Variants in JAKMIP2 observed in about 807,000 individuals in gnomAD.
The protein encoded by JAKMIP2 is janus kinase and microtubule interacting protein 2.
In JAKMIP2, 25 loss-of-function variants were observed where a neutral mutation model predicts 115.0. That is an observed-to-expected ratio of 0.22 (90% CI 0.16 to 0.30). The LOEUF (loss-of-function observed/expected upper bound fraction) is 0.30. JAKMIP2 is among the 10% of genes least tolerant of loss of function. The probability of loss-of-function intolerance (pLI) is 1.00; values close to 1 mark genes in which losing one functional copy is unlikely to be tolerated. For synonymous variants in JAKMIP2, 334 were observed against 343.6 expected, an observed-to-expected ratio of 0.97 and a Z score of 0.31; for missense variants, 642 against 957.6, an observed-to-expected ratio of 0.67 and a Z score of 4.35.
intron 17 of JAKMIP2, 57 bp from the exon 18 acceptor site, chr5:147,620,800 A>G (rs1756813408): frequency 1.7e-6 from 2 of 1,186,904 alleles, no homozygotes; most frequent in Admixed American, 3.5e-5. Context: ...AGTGACGTAC[A>G]AATGGTATTG....
chr5:147,677,708 A>G (rs1760044354), intron 1 of JAKMIP2, among the ~76,000 whole-genome samples: 1 of 152,182 alleles, frequency 6.6e-6, no homozygotes, highest in Admixed American at 6.5e-5. Flanking sequence ...TTCTTTTTTA[A>G]TTGACAAAAA....
At chr5:147,705,186 A>G (rs1752515603) in intron 1 of JAKMIP2, among the ~76,000 whole-genome samples, 1 of 152,170 alleles carries the variant, frequency 6.6e-6, no homozygotes, top group African/African-American at 2.4e-5. Flanking sequence ...GATCAAGCTG[A>G]GTTTGAACCC....
At chr5:147,744,051 C>CTTCT (rs1754262072) in intron 1 of JAKMIP2, among the ~76,000 whole-genome samples, 1 of 146,820 alleles carries the variant, frequency 6.8e-6, no homozygotes, top group Non-Finnish European at 1.5e-5. Context: ...TCCTTCCTTC[C>CTTCT]TTCCTTCCTC....
chr5:147,614,037 A>T (rs58587592), intron 19 of JAKMIP2, among the ~76,000 whole-genome samples: 4 of 152,192 alleles, frequency 2.6e-5, no homozygotes, highest in African/African-American at 9.7e-5. Flanking sequence ...TTGAGTGTTC[A>T]CGTAATTCCT....
intron 1 of JAKMIP2, among the ~76,000 whole-genome samples, chr5:147,710,852 T>A (rs1051024734): frequency 3.9e-5 from 6 of 152,228 alleles, no homozygotes; most frequent in Non-Finnish European, 8.8e-5. Context: ...TTATTTTATA[T>A]CTTGATGCAG....
chr5:147,628,913 A>C, intron 15 of JAKMIP2, 97 bp from the exon 16 acceptor site: 1 of 767,866 alleles, frequency 1.3e-6, no homozygotes, highest in Non-Finnish European at 2.2e-6. Flanking sequence ...ATTCTGTATA[A>C]GCCTGTATAG....
Position 147,639,764 on chromosome 5 carries a change from G to C in JAKMIP2, c.1402-4C>G, listed in dbSNP as rs1026776640. On this transcript the variant is annotated splice_region_variant and splice_polypyrimidine_tract_variant and intron_variant, in intron 9 of 21. Coordinates refer to ENST00000616793, the MANE Select transcript of JAKMIP2 (RefSeq NM_001270941.2). ...CAGATTCTTCAGCTGCTAAACTCTT[G>C]AGGTTAAGAAAAAAAGCCCCAAAAC... 1.9e-6 allele frequency: 3 copies of C among 1,602,682 alleles called. No homozygotes were observed. The African/African-American group carries it at 4.2e-5, about 23-fold the overall frequency.
intron 3 of JAKMIP2, among the ~76,000 whole-genome samples, chr5:147,651,610 T>A (rs915505271): frequency 5.9e-5 from 9 of 152,124 alleles, no homozygotes; most frequent in African/African-American, 1.9e-4. Context: ...TTCTTTGCTG[T>A]GTGCTCTTAG....
chr5:147,681,672 C>T (rs1760287717), intron 1 of JAKMIP2, among the ~76,000 whole-genome samples: 1 of 152,028 alleles, frequency 6.6e-6, no homozygotes, highest in Non-Finnish European at 1.5e-5. Context: ...CAATTTAATA[C>T]AGTGTGATAA....
At chr5:147,605,005 G>A (rs1755922026) in intron 20 of JAKMIP2, among the ~76,000 whole-genome samples, 2 of 151,480 alleles carry the variant, frequency 1.3e-5, no homozygotes, top group Admixed American at 6.6e-5. Flanking sequence ...GCCCTGGTGT[G>A]TGATGTTCCC....
intron 1 of JAKMIP2, among the ~76,000 whole-genome samples, chr5:147,689,176 G>A (rs1274753501): frequency 6.6e-6 from 1 of 152,154 alleles, no homozygotes; most frequent in East Asian, 1.9e-4. Context: ...GAACTTCAGG[G>A]AGCCGGGGAG....
At chr5:147,707,724 G>A (rs1752633399) in intron 1 of JAKMIP2, among the ~76,000 whole-genome samples, 1 of 152,168 alleles carries the variant, frequency 6.6e-6, no homozygotes, top group African/African-American at 2.4e-5. Flanking sequence ...TGGATGTAAT[G>A]CACAACAGTG....
At position 147,629,566 on chromosome 5, in the gene JAKMIP2, C is replaced by A; in HGVS notation, c.1929+127G>T. The A allele has an allele frequency of 8.0e-6, 5 of 626,324 alleles. No homozygotes were observed. The South Asian group carries it at 1.1e-4, about 14-fold the overall frequency. 38.8% of individuals were successfully genotyped at this position (626,324 alleles called of 1,614,324 possible). ...TGTTTGATAAATTGTATATTCTTCC[C>A]AAGGAGCAACATCCTTAAGTGAAAT... On this transcript the variant is annotated intron_variant, in intron 15 of 21. Transcript: ENST00000616793.
chr5:147,650,924 T>C (rs1758366863), intron 3 of JAKMIP2, among the ~76,000 whole-genome samples: 1 of 152,204 alleles, frequency 6.6e-6, no homozygotes, highest in Non-Finnish European at 1.5e-5. Context: ...CATTTTTTGA[T>C]GTCACTTCTT....
Position 147,635,927 on chromosome 5 carries a change from A to ATG in JAKMIP2, c.1677+294_1677+295insCA, listed in dbSNP as rs1244554417. On this transcript the variant is annotated intron_variant, in intron 12 of 21. Transcript: ENST00000616793. The stretch of plus-strand genomic sequence containing the variant: ...TGCACGTGTGTGTGTGCGTGTATGT[A>ATG]TATATATATGTACAGTATATATACA... 6.3e-3 allele frequency among the ~76,000 whole-genome samples: 962 copies of ATG among 152,210 alleles called. 48 individuals are homozygous for ATG. The East Asian group carries it at 0.13, about 21-fold the overall frequency.
chr5:147,585,917 T>C lies in JAKMIP2; in HGVS notation c.*5790A>G, dbSNP rs1204928895. ...TTTAGCTAATAAAGATATGGGACTTTTGGCTAATTTTAATACTGTAGATTG... is the reference window on the plus strand; with the variant it reads ...TTTAGCTAATAAAGATATGGGACTTCTGGCTAATTTTAATACTGTAGATTG... On this transcript the variant is annotated 3_prime_UTR_variant, in exon 22 of 22. Transcript: ENST00000616793. 1 of 152,060 alleles carries C rather than the reference T, an allele frequency of 6.6e-6. No homozygotes were observed. Among genetic ancestry groups the C allele is most frequent in the African/African-American group, 2.4e-5 (1 of 41,414 alleles). The allele number at this position is 152,060 out of a possible 1,614,324, so 9.4% of individuals were successfully genotyped here.
intron 1 of JAKMIP2, among the ~76,000 whole-genome samples, chr5:147,726,882 A>G (rs932157569): frequency 6.6e-6 from 1 of 152,220 alleles, no homozygotes; most frequent in African/African-American, 2.4e-5. Flanking sequence ...GTTAGCCCCA[A>G]AAATTACCTC....
chr5:147,599,462 T>C (rs997765371), intron 21 of JAKMIP2, among the ~76,000 whole-genome samples: 28 of 152,338 alleles, frequency 1.8e-4, no homozygotes, highest in African/African-American at 6.3e-4. Context: ...ATTGCCCAGA[T>C]TCACTGTCAC....
At position 147,591,559 on chromosome 5, in the gene JAKMIP2, G is replaced by T. The variant is rs1755093843; in HGVS notation, c.*148C>A. 3.6e-6 allele frequency: 3 copies of T among 832,492 alleles called. No individual in the cohort carries two copies. Among genetic ancestry groups the T allele is most frequent in the Non-Finnish European group, 6.1e-6 (3 of 491,384 alleles). 51.6% of individuals were successfully genotyped at this position (832,492 alleles called of 1,614,324 possible). Reference sequence around the variant, plus strand: ...TTGAATAATGGCTTTAAAATACACAGTTGTAGTCCTGGCTACAGGGTAGTT... The same window carrying T: ...TTGAATAATGGCTTTAAAATACACATTTGTAGTCCTGGCTACAGGGTAGTT... On this transcript the variant is annotated 3_prime_UTR_variant, in exon 22 of 22. Transcript: ENST00000616793.
Sources: gnomAD v4.1 joint callset for allele counts (sites outside exome capture counted in the v4.1 genomes callset) on GRCh38, gnomAD v4.1.1 for gene constraint, MANE v1.5 for transcripts, NCBI Gene and HGNC (gene_info 2026-07-23, HGNC 2026-07-21) for gene names.